The following PARD3B variants were observed in gnomAD, a reference collection of about 807,000 sequenced individuals.
The protein encoded by PARD3B is partitioning defective 3 homolog B.
Under a neutral mutation model 130.2 loss-of-function variants are expected in PARD3B, and 103 were observed. The observed-to-expected ratio is 0.79, with a 90% CI of 0.67 to 0.93. The LOEUF (loss-of-function observed/expected upper bound fraction) is 0.93. Ranked by LOEUF, PARD3B falls within the 40% of genes least tolerant of loss-of-function variation. The pLI is 0.00. For synonymous variants in PARD3B, 583 were observed against 553.2 expected (o/e 1.05, Z -0.76); for missense variants, 1,609 against 1,499.2 (o/e 1.07, Z -1.21).
chr2:205,418,551 G>T (rs1284492436), intron 19 of PARD3B, among the ~76,000 whole-genome samples: 1 of 152,090 alleles, frequency 6.6e-6, no homozygotes, highest in Admixed American at 6.5e-5. Context: ...TGTTGTAGCT[G>T]GGACAATAGG....
At chr2:204,891,810 A>AT (rs2046457835) in intron 2 of PARD3B, among the ~76,000 whole-genome samples, 1 of 152,020 alleles carries the variant, frequency 6.6e-6, no homozygotes, top group African/African-American at 2.4e-5. Flanking sequence ...AGTTAGGAGT[A>AT]TTTTCCCCTG....
chr2:205,365,146 G>C (rs1021955766), intron 18 of PARD3B, among the ~76,000 whole-genome samples: 38 of 149,250 alleles, frequency 2.5e-4, no homozygotes, highest in African/African-American at 9.4e-4. Context: ...GTTGCAGTGA[G>C]CTGAGATAGT....
At chr2:204,897,563 C>A (rs137929964) in intron 2 of PARD3B, among the ~76,000 whole-genome samples, 6 of 152,100 alleles carry the variant, frequency 3.9e-5, no homozygotes, top group Non-Finnish European at 7.4e-5. Context: ...CCTGTGTACT[C>A]TTTATCCAGT....
At chr2:205,523,604 G>C (rs921544796) in intron 21 of PARD3B, among the ~76,000 whole-genome samples, 1 of 152,024 alleles carries the variant, frequency 6.6e-6, no homozygotes, top group Non-Finnish European at 1.5e-5. Flanking sequence ...AAAGTAACGT[G>C]ACTGTGTTAT....
At chr2:205,431,561 C>A (rs1188408631) in intron 19 of PARD3B, among the ~76,000 whole-genome samples, 1 of 151,874 alleles carries the variant, frequency 6.6e-6, no homozygotes, top group African/African-American at 2.4e-5. Flanking sequence ...GCTCTGCCTC[C>A]CCGGTTCTTG....
chr2:204,980,064 T>G (rs970888926), intron 3 of PARD3B, among the ~76,000 whole-genome samples: 2 of 152,170 alleles, frequency 1.3e-5, no homozygotes, highest in African/African-American at 2.4e-5. Flanking sequence ...TGAAGAAATT[T>G]TAACACATCT....
At chr2:205,219,397 C>A (rs771972214) in intron 15 of PARD3B, among the ~76,000 whole-genome samples, 1 of 152,016 alleles carries the variant, frequency 6.6e-6, no homozygotes. Context: ...GCACATAAAC[C>A]CCCAAAGTTA....
At chr2:204,951,708 A>G (rs906593366) in intron 2 of PARD3B, among the ~76,000 whole-genome samples, 3 of 152,226 alleles carry the variant, frequency 2.0e-5, no homozygotes, top group Non-Finnish European at 2.9e-5. Flanking sequence ...GTCAGAGCCA[A>G]CTGGATGATA....
intron 18 of PARD3B, among the ~76,000 whole-genome samples, chr2:205,345,041 G>A (rs2043698870): frequency 6.6e-6 from 1 of 152,084 alleles, no homozygotes; most frequent in Non-Finnish European, 1.5e-5. Context: ...GAAAACAGAT[G>A]GTTTGGTTTT....
At chr2:204,613,151 G>T (rs2033989945) in intron 1 of PARD3B, among the ~76,000 whole-genome samples, 1 of 150,354 alleles carries the variant, frequency 6.7e-6, no homozygotes, top group Middle Eastern at 3.4e-3. Flanking sequence ...TCTGGGAAAG[G>T]ATTCTCAGGA....
At chr2:205,389,701 T>A (rs941459847) in intron 18 of PARD3B, among the ~76,000 whole-genome samples, 1 of 152,182 alleles carries the variant, frequency 6.6e-6, no homozygotes, top group African/African-American at 2.4e-5. Context: ...ATGTGTAGCG[T>A]CAAAACTTTA....
rs552441045 is a variant in PARD3B, at chr2:205,281,165, T to C, written c.2186-19365T>C. ...CAGCCATAAAATGAAGCCGTAAACATTTCAAGGGTATAAGATTCCATGACT... is the reference window on the plus strand; with the variant it reads ...CAGCCATAAAATGAAGCCGTAAACACTTCAAGGGTATAAGATTCCATGACT... On this transcript the variant is annotated intron_variant, in intron 16 of 22. Transcript: ENST00000406610. This position sits in a 1 kb window ranked among gnomAD's most constrained non-coding sequence, Gnocchi z 4.2. 4.8e-4 allele frequency among the ~76,000 whole-genome samples: 73 copies of C among 152,214 alleles called. 1 individual carries two copies. The highest frequency in any genetic ancestry group is 1.7e-3 in the African/African-American group (71 of 41,534).
chr2:204,774,276 G>C (rs996319798), intron 2 of PARD3B, among the ~76,000 whole-genome samples: 1 of 151,938 alleles, frequency 6.6e-6, no homozygotes, highest in African/African-American at 2.4e-5. Flanking sequence ...TTCCTTCCAT[G>C]AGAATCCACG....
chr2:204,876,551 C>A (rs781027408), intron 2 of PARD3B, among the ~76,000 whole-genome samples: 2 of 152,136 alleles, frequency 1.3e-5, no homozygotes, highest in African/African-American at 2.4e-5. Context: ...AAGTAAGATG[C>A]GAAGAAGACT....
intron 16 of PARD3B, among the ~76,000 whole-genome samples, chr2:205,252,838 A>ACCC (rs35793665): frequency 1.6e-3 from 138 of 83,926 alleles, no homozygotes; most frequent in Non-Finnish European, 2.2e-3. Flanking sequence ...ACCTGAAGGG[A>ACCC]CCCCCCCCCC....
At chr2:205,061,173 A>G (rs1466305476) in intron 4 of PARD3B, among the ~76,000 whole-genome samples, 1 of 152,168 alleles carries the variant, frequency 6.6e-6, no homozygotes, top group East Asian at 1.9e-4. Context: ...AATAAAGGAA[A>G]CAGTAATCAT....
chr2:205,166,045 C>T (rs1182446530), intron 11 of PARD3B, among the ~76,000 whole-genome samples: 1 of 152,048 alleles, frequency 6.6e-6, no homozygotes, highest in Non-Finnish European at 1.5e-5. Flanking sequence ...AAACTTAACA[C>T]CAGGACCAAA....
chr2:204,991,426 A>G (rs1324774499), intron 3 of PARD3B, among the ~76,000 whole-genome samples: 2 of 142,312 alleles, frequency 1.4e-5, no homozygotes, highest in African/African-American at 2.6e-5. Context: ...TTATGGCTGC[A>G]TAGTATTCCA....
chr2:204,707,234 G>C (rs936694578), intron 2 of PARD3B, among the ~76,000 whole-genome samples: 2 of 152,142 alleles, frequency 1.3e-5, no homozygotes. Flanking sequence ...CATGAAGCCC[G>C]AGTGGGACTG....
Sources: gnomAD v4.1 joint callset for allele counts (sites outside exome capture counted in the v4.1 genomes callset) on GRCh38, gnomAD v4.1.1 for gene constraint, Gnocchi (gnomAD v3.1) non-coding constraint, MANE v1.5 for transcripts, NCBI Gene and HGNC (gene_info 2026-07-23, HGNC 2026-07-21) for gene names.